The following TMEM230 variants were observed in gnomAD, a reference collection of about 807,000 sequenced individuals.
TMEM230 encodes UPF0414 transmembrane protein C20orf30.
A neutral mutation model predicts 15.8 loss-of-function variants in TMEM230; 10 were observed. The ratio of observed to expected loss-of-function variants is 0.63; its 90% CI spans 0.39 to 1.07. The LOEUF (loss-of-function observed/expected upper bound fraction) is 1.07, where lower values mean the gene tolerates loss of function less well. Among genes scored for constraint, TMEM230 ranks in the 50% least tolerant of loss-of-function variants. TMEM230 has a pLI of 0.01. For missense variants in TMEM230, 165 were observed against 193.3 expected, an observed-to-expected ratio of 0.85 and a Z score of 0.87; for synonymous variants, 67 against 76.9, an observed-to-expected ratio of 0.87 and a Z score of 0.68.
At chr20:5,077,578 A>C (rs963030637) in intron 3 of TMEM230, among the ~76,000 whole-genome samples, 25 of 137,678 alleles carry the variant, frequency 1.8e-4, no homozygotes, top group African/African-American at 5.0e-4. Context: ...GCACACCTGT[A>C]ATCCCAGCAC....
chr20:5,110,906 GCGTGATAGCTCAC>G (rs2090286286), intron 2 of TMEM230, among the ~76,000 whole-genome samples: 1 of 152,172 alleles, frequency 6.6e-6, no homozygotes, highest in Non-Finnish European at 1.5e-5. Flanking sequence ...AATAGGCCGG[GCGTGATAGCTCAC>G]GCCTGTAATC....
chr20:5,063,138 C>T, the TMEM230 span, among the ~76,000 whole-genome samples: 8 of 151,908 alleles, frequency 5.3e-5, no homozygotes, highest in Admixed American at 6.6e-5. Flanking sequence ...CCTGTCTCAA[C>T]GCAGTAACTG....
intron 3 of TMEM230, among the ~76,000 whole-genome samples, chr20:5,075,719 C>T (rs544449896): frequency 3.3e-5 from 5 of 151,816 alleles, no homozygotes; most frequent in African/African-American, 9.7e-5. Flanking sequence ...AGAGAAACTT[C>T]GCCTCAAAAA....
At chr20:5,081,490 G>C (rs574618763) in intron 3 of TMEM230, among the ~76,000 whole-genome samples, 72 of 152,330 alleles carry the variant, frequency 4.7e-4, no homozygotes, top group African/African-American at 1.6e-3. Context: ...TGTGTGTCCA[G>C]AAGGAGCCCA....
downstream of TMEM230, among the ~76,000 whole-genome samples, chr20:5,094,875 G>A (rs1600351428): frequency 6.6e-6 from 1 of 152,074 alleles, no homozygotes; most frequent in African/African-American, 2.4e-5. Flanking sequence ...TCTGATCACA[G>A]CTACAGGGAC....
chr20:5,108,625 A>C (rs1180331877), intron 3 of TMEM230, among the ~76,000 whole-genome samples: 1 of 152,154 alleles, frequency 6.6e-6, no homozygotes, highest in African/African-American at 2.4e-5. Flanking sequence ...ATCTATTTTT[A>C]TCTCTCCTTC....
At chr20:5,081,872 T>C (rs914002086) in intron 3 of TMEM230, among the ~76,000 whole-genome samples, 1 of 39,212 alleles carries the variant, frequency 2.6e-5, no homozygotes. Context: ...TTCTTTTTTT[T>C]CTTTTTTTTT....
rs2089048067 is a variant in TMEM230, at chr20:5,077,742, G to A, written c.223-8393C>T. On this transcript the variant is annotated intron_variant, in intron 3 of 3. Transcript: ENST00000612323. ...CCAGCTACTTGGGTAGTTGAGGCAGGAGAATCACTTGAACCTGGGAGGCAG... is the reference window on the plus strand; with the variant it reads ...CCAGCTACTTGGGTAGTTGAGGCAGAAGAATCACTTGAACCTGGGAGGCAG... 3.3e-5 allele frequency among the ~76,000 whole-genome samples: 5 copies of A among 151,944 alleles called. No individual in the cohort carries two copies. In the South Asian group the frequency reaches 8.3e-4, roughly 25 times the overall value.
rs1272596579 is a variant in TMEM230, at chr20:5,112,983, C to A, written c.46G>T (p.Gly16Trp). 2.6e-6 allele frequency: 4 copies of A among 1,550,912 alleles called. No homozygotes were observed. In the East Asian group the frequency reaches 9.8e-5, roughly 38 times the overall value. ...TACCGGAGCGCCGCGCCAGGCCGCC[C>A]GCACACCCAGAGCTCGCCCACGGTT... Residue 16 changes from glycine (G) to tryptophan (W), a missense_variant, in exon 1 of 5, where the codon GGG becomes TGG. By Grantham distance (184) the Gly-to-Trp change is radical. Transcript: ENST00000342308.
chr20:5,076,504 G>A (rs977729780), intron 3 of TMEM230, among the ~76,000 whole-genome samples: 16 of 151,906 alleles, frequency 1.1e-4, no homozygotes, highest in African/African-American at 3.6e-4. Flanking sequence ...GCGCGCCACT[G>A]CACTCCAGCC....
intron 4 of TMEM230, among the ~76,000 whole-genome samples, chr20:5,104,587 A>G (rs1414590543): frequency 6.6e-6 from 1 of 152,234 alleles, no homozygotes; most frequent in African/African-American, 2.4e-5. Flanking sequence ...TTATGACAGC[A>G]CTATTCACAA....
At chr20:5,092,287 C>T (rs7271416) in intron 3 of TMEM230, among the ~76,000 whole-genome samples, 2,358 of 152,218 alleles carry the variant, frequency 0.015, 64 homozygotes, top group African/African-American at 0.052. Context: ...GAGGAGTCCT[C>T]GATCCTGGGC....
the TMEM230 span, among the ~76,000 whole-genome samples, chr20:5,061,843 C>T: frequency 2.0e-5 from 3 of 152,078 alleles, no homozygotes; most frequent in Admixed American, 6.6e-5. Context: ...GCATCTGTTC[C>T]GGAACAGGTA....
At chr20:5,112,870 G>C (rs1259111350) in intron 1 of TMEM230, 91 bp downstream of exon 1, 2 of 1,547,730 alleles carry the variant, frequency 1.3e-6, no homozygotes, top group Non-Finnish European at 8.7e-7. Context: ...CGGATGACTC[G>C]GAGCTTGATT....
chr20:5,103,633 AAAAAAAAAAACAAAC>A (rs2089956495), intron 4 of TMEM230, among the ~76,000 whole-genome samples: 1 of 150,612 alleles, frequency 6.6e-6, no homozygotes, highest in East Asian at 1.9e-4. Context: ...TCTGTCTCAA[AAAAAAAAAAACAAAC>A]AAAAAAACCA....
chr20:5,090,385 C>T (rs2089473187), intron 3 of TMEM230, among the ~76,000 whole-genome samples: 1 of 152,070 alleles, frequency 6.6e-6, no homozygotes, highest in Non-Finnish European at 1.5e-5. Flanking sequence ...AAAATGACGA[C>T]AAAGGAGGAA....
intron 3 of TMEM230, among the ~76,000 whole-genome samples, chr20:5,090,758 C>T (rs1409313582): frequency 2.0e-5 from 3 of 151,870 alleles, no homozygotes; most frequent in Non-Finnish European, 4.4e-5. Context: ...ATTATATGGA[C>T]AAATGGAGGG....
At chr20:5,069,143 G>C (rs909608322) in exon 4 of TMEM230, 14 of 1,454,940 alleles carry the variant, frequency 9.6e-6, no homozygotes, top group African/African-American at 2.8e-5. Context: ...GACATTTTCA[G>C]TTTAGCCCTT....
intron 3 of TMEM230, among the ~76,000 whole-genome samples, chr20:5,087,721 T>C (rs1311948011): frequency 1.6e-5 from 2 of 122,360 alleles, no homozygotes; most frequent in African/African-American, 6.1e-5. Context: ...TTTTTTTTCC[T>C]GGGACTAGAA....
Sources: allele counts gnomAD v4.1 joint callset (sites outside exome capture counted in the v4.1 genomes callset), GRCh38; gene constraint gnomAD v4.1.1; transcripts MANE v1.5; gene names NCBI Gene and HGNC (gene_info 2026-07-23, HGNC 2026-07-21).